Variants in STIP1 observed in about 807,000 individuals in gnomAD.
The protein encoded by STIP1 is stress induced phosphoprotein 1.
Under a neutral mutation model 77.4 loss-of-function variants are expected in STIP1, and 16 were observed. The ratio of observed to expected loss-of-function variants is 0.21; its 90% CI spans 0.14 to 0.31. The LOEUF is 0.31. Among genes scored for constraint, STIP1 ranks in the 10% least tolerant of loss-of-function variants. The probability of loss-of-function intolerance (pLI) is 1.00; values close to 1 mark genes in which losing one functional copy is unlikely to be tolerated. For missense variants in STIP1, 524 were observed against 684.8 expected (o/e 0.77, Z 2.62); for synonymous variants, 258 against 246.6 (o/e 1.05, Z -0.44).
At chr11:64,198,405 G>C (rs1489487207) in intron 8 of STIP1, among the ~76,000 whole-genome samples, 1 of 152,046 alleles carries the variant, frequency 6.6e-6, no homozygotes, top group Non-Finnish European at 1.5e-5. Flanking sequence ...TAGAGATGGG[G>C]TTTCATTATA....
chr11:64,186,149 G>C (rs1946011469), upstream of STIP1: 6 of 1,550,842 alleles, frequency 3.9e-6, no homozygotes, highest in Non-Finnish European at 3.5e-6. Flanking sequence ...GGCGAGGAAG[G>C]GGCGGGAGCC....
At chr11:64,203,067 T>C (rs1189059684) in intron 11 of STIP1, 58 bp from the exon 12 acceptor site, 6 of 1,605,972 alleles carry the variant, frequency 3.7e-6, no homozygotes, top group Non-Finnish European at 5.1e-6. Context: ...GGTGAAGAGG[T>C]GCAAGGAGCA....
chr11:64,189,974 C>T (rs1184686178), intron 1 of STIP1, among the ~76,000 whole-genome samples: 7 of 149,872 alleles, frequency 4.7e-5, no homozygotes, highest in African/African-American at 1.7e-4. Flanking sequence ...CCTGATCTCT[C>T]TATTTGAGGA....
intron 13 of STIP1, chr11:64,203,851 C>A: frequency 1.3e-6 from 1 of 770,792 alleles, no homozygotes; most frequent in Non-Finnish European, 2.1e-6. Flanking sequence ...AAGGTCTTGA[C>A]TGGAAGCTGT....
intron 8 of STIP1, 152 bp downstream of exon 8, chr11:64,198,126 G>A (rs1219736817): frequency 2.7e-6 from 3 of 1,129,424 alleles, no homozygotes; most frequent in Admixed American, 2.9e-5. Context: ...TGGCACAATC[G>A]TGGCTCACTG....
chr11:64,185,852 G>A (rs1330671656), upstream of STIP1: 23 of 1,536,178 alleles, frequency 1.5e-5, no homozygotes, highest in Non-Finnish European at 2.0e-5. Flanking sequence ...AATGGGAGAG[G>A]TGGAAATTTC....
In STIP1 at chr11:64,186,261, T is replaced by A; in HGVS notation, c.-1T>A. The A allele has an allele frequency of 1.3e-6, 2 of 1,546,326 alleles. No individual in the cohort carries two copies. The highest frequency in any genetic ancestry group is 1.7e-6 in the Non-Finnish European group (2 of 1,146,228). ...AACGGGGTTCCGGACCGCGCTGCGC[T>A]ATGGAGCAGGTGAAGGGGGAGGGGC... On this transcript the variant is annotated 5_prime_UTR_variant, in exon 1 of 14. Transcript: ENST00000305218.
In STIP1 at chr11:64,195,737, C is replaced by T. The variant is rs901472719; in HGVS notation, c.596C>T (p.Pro199Leu). Reference sequence around the variant, plus strand: ...GATGAGGAGGAAGAGATTGCAACACCTCCACCACCACCCCCTCCCAAAAAG... The same window carrying T: ...GATGAGGAGGAAGAGATTGCAACACTTCCACCACCACCCCCTCCCAAAAAG... ...SMDEEEEIAT[P>L]PPPPPPKKET... The change falls in exon 5 of 14, where the codon CCT (proline) becomes CTT (leucine). Residue 199 changes from proline (P) to leucine (L), a missense_variant. By Grantham distance (98) the Pro-to-Leu change is moderately conservative (BLOSUM62 -3). Transcript: ENST00000305218. 3.7e-6 allele frequency: 6 copies of T among 1,613,984 alleles called. No homozygotes were observed. Among genetic ancestry groups the T allele is most frequent in the East Asian group, 2.2e-5 (1 of 44,884 alleles).
At chr11:64,192,405 C>T (rs1176262545) in intron 1 of STIP1, among the ~76,000 whole-genome samples, 4 of 152,218 alleles carry the variant, frequency 2.6e-5, no homozygotes, top group African/African-American at 9.6e-5. Flanking sequence ...AGTAGCATTT[C>T]TTCATCCTCC....
upstream of STIP1, chr11:64,185,864 A>G: frequency 6.5e-7 from 1 of 1,536,190 alleles, no homozygotes; most frequent in South Asian, 1.2e-5. Context: ...GGAAATTTCC[A>G]GAACGATCAG....
chr11:64,185,913 G>A (rs1946007351), upstream of STIP1: 1 of 1,536,268 alleles, frequency 6.5e-7, no homozygotes. Context: ...GATTGGCAGT[G>A]CAAAAGACCA....
At chr11:64,185,488 T>C, upstream of STIP1, 3 of 340,628 alleles carry the variant, frequency 8.8e-6, no homozygotes, top group Non-Finnish European at 1.6e-5. Flanking sequence ...GCCGGAGCGC[T>C]GGACAACGCG....
chr11:64,199,843 G>A (rs1591013741), intron 8 of STIP1, 97 bp from the exon 9 acceptor site: 25 of 1,433,916 alleles, frequency 1.7e-5, no homozygotes, highest in East Asian at 1.5e-4. Flanking sequence ...GATCACAGGC[G>A]TGAGCCACCG....
chr11:64,196,011 C>A, intron 5 of STIP1, 198 bp downstream of exon 5: 1 of 700,500 alleles, frequency 1.4e-6, no homozygotes, highest in Non-Finnish European at 2.4e-6. Context: ...ATTACAGTCA[C>A]GAGCCACTGT....
In STIP1 at chr11:64,204,446, A is replaced by C. The variant is rs1298947071; in HGVS notation, c.*320A>C. On this transcript the variant is annotated 3_prime_UTR_variant, in exon 14 of 14. Coordinates refer to ENST00000305218, the MANE Select transcript of STIP1 (RefSeq NM_006819.3). ...TTGGGGCAGTGGGCATGTTATGGGG[A>C]GGGGAGGGGGTTCTTCCAGCCTCAG... 2.9e-6 allele frequency: 1 copy of C among 350,076 alleles called. No individual in the cohort carries two copies. Among genetic ancestry groups the C allele is most frequent in the African/African-American group, 2.2e-5 (1 of 45,984 alleles). The allele number at this position is 350,076 out of a possible 1,614,324, so 21.7% of individuals were successfully genotyped here.
chr11:64,198,326 C>A (rs572438255), intron 8 of STIP1, among the ~76,000 whole-genome samples: 1 of 152,204 alleles, frequency 6.6e-6, no homozygotes, highest in African/African-American at 2.4e-5. Context: ...AATTCTCCTG[C>A]CTCAGCCTCC....
In STIP1 at chr11:64,200,259, A is replaced by G; in HGVS notation, c.1211A>G (p.Tyr404Cys). 1.2e-6 allele frequency: 2 copies of G among 1,613,930 alleles called. No individual in the cohort carries two copies. Among genetic ancestry groups the G allele is most frequent in the Non-Finnish European group, 1.7e-6 (2 of 1,179,934 alleles). The change falls in exon 10 of 14, where the codon TAC becomes TGC. Residue 404 changes from tyrosine to cysteine, a missense_variant. Transcript: ENST00000305218. ...AKLYSNRAAC[Y>C]TKLLEFQLAL... ...TTATACAGCAATCGAGCTGCCTGCT[A>G]CACCAAACTCCTGGAGTTCCAGCTG... is the stretch of plus-strand genomic sequence containing the variant.
At position 64,187,700 on chromosome 11, in the gene STIP1, T is replaced by C. The variant is rs1276893378; in HGVS notation, c.9+1430T>C. 3.3e-5 allele frequency among the ~76,000 whole-genome samples: 5 copies of C among 152,196 alleles called. No homozygotes were observed. The East Asian group carries it at 9.6e-4, about 29-fold the overall frequency. ...TTTCTGGAATAAGACGTTGCTCTTT[T>C]ACCTTTAAGAAAGGATCTGGGGCCG... On this transcript the variant is annotated intron_variant, in intron 1 of 13. Transcript: ENST00000305218.
At chr11:64,195,326 G>A (rs1303344169) in intron 4 of STIP1, among the ~76,000 whole-genome samples, 3 of 152,086 alleles carry the variant, frequency 2.0e-5, no homozygotes, top group Admixed American at 2.0e-4. Flanking sequence ...ATGTTGGCTA[G>A]GCTGGTCTCA....
Sources: allele counts gnomAD v4.1 joint callset (sites outside exome capture counted in the v4.1 genomes callset), GRCh38; gene constraint gnomAD v4.1.1; transcripts MANE v1.5; gene names NCBI Gene and HGNC (gene_info 2026-07-23, HGNC 2026-07-21).